PAK5: variants seen among roughly 807,000 people sequenced by gnomAD.
PAK5 encodes serine/threonine-protein kinase PAK 5.
Under a neutral mutation model 65.9 loss-of-function variants are expected in PAK5, and 16 were observed. That is an observed-to-expected ratio of 0.24 (90% CI 0.16 to 0.37). The LOEUF (loss-of-function observed/expected upper bound fraction) is 0.37. PAK5 is among the 10% of genes least tolerant of loss of function. The pLI is 1.00. For missense variants in PAK5, 785 were observed against 903.9 expected, an observed-to-expected ratio of 0.87 and a Z score of 1.69; for synonymous variants, 371 against 354.9, an observed-to-expected ratio of 1.05 and a Z score of -0.51.
chr20:9,707,208 T>C (rs934771989), intron 2 of PAK5, among the ~76,000 whole-genome samples: 36 of 151,740 alleles, frequency 2.4e-4, no homozygotes, highest in East Asian at 9.7e-4. Context: ...CACAGCCTAT[T>C]TCCCAGGCTC....
At chr20:9,720,113 G>A (rs2048329325) in intron 1 of PAK5, among the ~76,000 whole-genome samples, 1 of 152,092 alleles carries the variant, frequency 6.6e-6, no homozygotes, top group South Asian at 2.1e-4. Context: ...AGTGGTGAGA[G>A]AGTTAGACAG....
At chr20:9,808,915 G>T (rs1180437964) in intron 1 of PAK5, among the ~76,000 whole-genome samples, 2 of 151,990 alleles carry the variant, frequency 1.3e-5, no homozygotes, top group South Asian at 2.1e-4. Context: ...TGAGAAGAAT[G>T]ATTATCTCTA....
chr20:9,797,997 G>A (rs556644412), intron 1 of PAK5, among the ~76,000 whole-genome samples: 54 of 152,228 alleles, frequency 3.5e-4, no homozygotes, highest in Admixed American at 5.2e-4. Flanking sequence ...ATTTAGAGAA[G>A]GCTGTTCTGG....
intron 9 of PAK5, 94 bp downstream of exon 9, chr20:9,542,492 C>T (rs2122886131): frequency 2.5e-6 from 3 of 1,219,816 alleles, no homozygotes; most frequent in South Asian, 2.4e-5. Flanking sequence ...CCAGGATCTT[C>T]CTGCTGGATG....
At chr20:9,654,149 T>C (rs2047236962) in intron 2 of PAK5, among the ~76,000 whole-genome samples, 1 of 151,990 alleles carries the variant, frequency 6.6e-6, no homozygotes, top group African/African-American at 2.4e-5. Flanking sequence ...AATTTTTATA[T>C]TTTTAGTAGA....
chr20:9,695,689 A>C (rs143566308), intron 2 of PAK5, among the ~76,000 whole-genome samples: 31 of 152,170 alleles, frequency 2.0e-4, no homozygotes, highest in Non-Finnish European at 4.4e-4. Flanking sequence ...TCCAGTGAAT[A>C]TTATCTCATT....
chr20:9,768,032 A>G (rs191755422), intron 1 of PAK5, among the ~76,000 whole-genome samples: 1 of 152,308 alleles, frequency 6.6e-6, no homozygotes, highest in Admixed American at 6.5e-5. Flanking sequence ...ATAGTCCTTG[A>G]TCTTTTAAAA....
chr20:9,744,582 G>C (rs2048485800), intron 1 of PAK5, among the ~76,000 whole-genome samples: 1 of 152,170 alleles, frequency 6.6e-6, no homozygotes, highest in African/African-American at 2.4e-5. Context: ...TTGACTAAAT[G>C]GGGGATTGTG....
At chr20:9,572,137 T>G in intron 4 of PAK5, among the ~76,000 whole-genome samples, 1 of 151,336 alleles carries the variant, frequency 6.6e-6, no homozygotes, top group Middle Eastern at 3.5e-3. Flanking sequence ...AAAAGAGTAG[T>G]CATCACAGCA....
At chr20:9,657,108 C>T (rs2047278728) in intron 2 of PAK5, among the ~76,000 whole-genome samples, 1 of 152,172 alleles carries the variant, frequency 6.6e-6, no homozygotes, top group Non-Finnish European at 1.5e-5. Context: ...TCTATCCCCA[C>T]AAAGATGTGC....
intron 2 of PAK5, among the ~76,000 whole-genome samples, chr20:9,693,561 C>T (rs938526979): frequency 1.3e-5 from 2 of 151,996 alleles, no homozygotes; most frequent in Non-Finnish European, 2.9e-5. Flanking sequence ...ACATTTCTAA[C>T]TCAAAGAGCC....
At chr20:9,799,230 T>G (rs1452902101) in intron 1 of PAK5, among the ~76,000 whole-genome samples, 2 of 152,144 alleles carry the variant, frequency 1.3e-5, no homozygotes, top group East Asian at 3.9e-4. Flanking sequence ...CTTTACAAAG[T>G]CATCCATAGG....
chr20:9,672,529 T>C (rs1051559807), intron 2 of PAK5, among the ~76,000 whole-genome samples: 1 of 150,718 alleles, frequency 6.6e-6, no homozygotes. Flanking sequence ...TAAAGGGGAG[T>C]TCCCCTGTAC....
At chr20:9,737,929 T>G (rs2048407987) in intron 1 of PAK5, among the ~76,000 whole-genome samples, 1 of 152,014 alleles carries the variant, frequency 6.6e-6, no homozygotes, top group South Asian at 2.1e-4. Flanking sequence ...GATCATGAGG[T>G]CAAGAGATCG....
chr20:9,756,192 C>T (rs2123632642), intron 1 of PAK5, among the ~76,000 whole-genome samples: 1 of 152,296 alleles, frequency 6.6e-6, no homozygotes, highest in Non-Finnish European at 1.5e-5. Flanking sequence ...TGTTAGTTTT[C>T]AAAATACTAA....
intron 4 of PAK5, 103 bp downstream of exon 4, chr20:9,580,042 G>T: frequency 9.8e-7 from 1 of 1,016,116 alleles, no homozygotes; most frequent in Non-Finnish European, 1.4e-6. Flanking sequence ...TCCCTTAAAA[G>T]GCAAACAAGT....
At chr20:9,648,313 C>T (rs574291580) in intron 2 of PAK5, among the ~76,000 whole-genome samples, 1 of 152,274 alleles carries the variant, frequency 6.6e-6, no homozygotes, top group East Asian at 1.9e-4. Context: ...GTTAATTCCC[C>T]CAGGACTGAT....
At chr20:9,759,028 T>C (rs2048667918) in intron 1 of PAK5, among the ~76,000 whole-genome samples, 1 of 152,076 alleles carries the variant, frequency 6.6e-6, no homozygotes, top group African/African-American at 2.4e-5. Context: ...CCTGGAGGAA[T>C]TATGCACTAA....
intron 1 of PAK5, among the ~76,000 whole-genome samples, chr20:9,789,271 C>T (rs971088587): frequency 6.6e-6 from 1 of 152,116 alleles, no homozygotes; most frequent in Non-Finnish European, 1.5e-5. Flanking sequence ...TTGGCTTAAG[C>T]AGGTGTCATT....
Sources: allele counts gnomAD v4.1 joint callset (sites outside exome capture counted in the v4.1 genomes callset), GRCh38; gene constraint gnomAD v4.1.1; transcripts MANE v1.5; gene names NCBI Gene and HGNC (gene_info 2026-07-23, HGNC 2026-07-21).